BTBD9: variants seen among roughly 807,000 people sequenced by gnomAD.
The protein encoded by BTBD9 is BTB domain containing 9.
BTBD9 carries 49 observed loss-of-function variants against 64.3 expected under a neutral mutation model. The observed-to-expected ratio is 0.76, with a 90% CI of 0.61 to 0.97. The LOEUF is 0.97. Ranked by LOEUF, BTBD9 falls within the 50% of genes least tolerant of loss-of-function variation. BTBD9 has a pLI of 0.00. For missense variants in BTBD9, 598 were observed against 762.1 expected, an observed-to-expected ratio of 0.78 and a Z score of 2.53; for synonymous variants, 260 against 274.7, an observed-to-expected ratio of 0.95 and a Z score of 0.53.
At chr6:38,216,758 C>G (rs11967572) in intron 9 of BTBD9, among the ~76,000 whole-genome samples, 3,128 of 152,266 alleles carry the variant, frequency 0.021, 106 homozygotes, top group African/African-American at 0.069. Flanking sequence ...TGGGCAACCC[C>G]AGTGATGCTC....
chr6:38,565,124 C>T (rs1275657109), intron 6 of BTBD9, among the ~76,000 whole-genome samples: 1 of 152,022 alleles, frequency 6.6e-6, no homozygotes, highest in Non-Finnish European at 1.5e-5. Context: ...TAAAGTTTGA[C>T]TGGTTTTTCT....
chr6:38,475,156 A>G (rs1770821945), intron 6 of BTBD9, among the ~76,000 whole-genome samples: 1 of 152,238 alleles, frequency 6.6e-6, no homozygotes. Flanking sequence ...AATTTTAAAA[A>G]GAATACATAC....
At chr6:38,243,337 C>CA (rs1764073346) in intron 9 of BTBD9, among the ~76,000 whole-genome samples, 1 of 152,038 alleles carries the variant, frequency 6.6e-6, no homozygotes, top group South Asian at 2.1e-4. Flanking sequence ...GAAGATGACC[C>CA]AGGTAAGGAT....
intron 10 of BTBD9, chr6:38,179,877 T>C: frequency 2.2e-6 from 1 of 450,924 alleles, no homozygotes. Context: ...CCTTGAGGGG[T>C]TGGGAGGCAG....
intron 8 of BTBD9, among the ~76,000 whole-genome samples, chr6:38,265,918 ACAC>A (rs1413694532): frequency 2.0e-5 from 3 of 152,220 alleles, no homozygotes; most frequent in Non-Finnish European, 4.4e-5. Context: ...ATAAAAGCTA[ACAC>A]CACATTACCA....
chr6:38,407,036 T>C (rs6903767), intron 6 of BTBD9, among the ~76,000 whole-genome samples: 57,542 of 152,068 alleles, frequency 0.38, 13,264 homozygotes, highest in East Asian at 0.87. Flanking sequence ...GGCTGTCTTT[T>C]GTAAGGAGAA....
chr6:38,457,836 T>G (rs748540163), intron 6 of BTBD9, among the ~76,000 whole-genome samples: 31 of 152,210 alleles, frequency 2.0e-4, no homozygotes, highest in Admixed American at 5.2e-4. Context: ...CTCCCCCAAC[T>G]GGTCTGTTAG....
chr6:38,430,437 C>T (rs1582417351), intron 6 of BTBD9, among the ~76,000 whole-genome samples: 1 of 151,490 alleles, frequency 6.6e-6, no homozygotes, highest in Non-Finnish European at 1.5e-5. Flanking sequence ...GCTGCCCAGG[C>T]TCATCTTGAA....
intron 6 of BTBD9, among the ~76,000 whole-genome samples, chr6:38,573,094 T>A (rs1303796724): frequency 1.3e-5 from 2 of 152,048 alleles, no homozygotes; most frequent in Non-Finnish European, 2.9e-5. Flanking sequence ...AGGCTTTTCA[T>A]AAATAAGAAA....
chr6:38,507,828 ATTTTTTT>A (rs34808509), intron 6 of BTBD9, among the ~76,000 whole-genome samples: 15 of 125,428 alleles, frequency 1.2e-4, no homozygotes, highest in Non-Finnish European at 2.5e-4. Flanking sequence ...TGTCTCCCAA[ATTTTTTT>A]TTTTTTTTTT....
At chr6:38,563,731 C>T (rs138431098) in intron 6 of BTBD9, among the ~76,000 whole-genome samples, 2 of 152,100 alleles carry the variant, frequency 1.3e-5, no homozygotes, top group African/African-American at 4.8e-5. Flanking sequence ...GATTTCCCTA[C>T]CTGTCTCTGC....
rs1023853204 is a variant in BTBD9 at position 38,388,609 on chromosome 6, A to G, written c.1155-43516T>C. ...GAGTTCATATTGACTGAAAGAAAAT[A>G]TATCAACTGAATTTAGTGTGTTTAT... is the stretch of plus-strand genomic sequence containing the variant. On this transcript the variant is annotated intron_variant, in intron 6 of 10. Coordinates refer to ENST00000481247, the MANE Select transcript of BTBD9 (RefSeq NM_001099272.2). 9.2e-5 allele frequency among the ~76,000 whole-genome samples: 14 copies of G among 152,354 alleles called. No individual in the cohort carries two copies. The East Asian group carries it at 2.5e-3, about 27-fold the overall frequency.
chr6:38,454,864 T>G (rs1238023669), intron 6 of BTBD9, among the ~76,000 whole-genome samples: 1 of 150,892 alleles, frequency 6.6e-6, no homozygotes. Context: ...GAAACCTCAC[T>G]CATTTAACAA....
intron 7 of BTBD9, among the ~76,000 whole-genome samples, chr6:38,322,755 T>A (rs1763285475): frequency 6.6e-6 from 1 of 152,204 alleles, no homozygotes; most frequent in South Asian, 2.1e-4. Context: ...GTCACAAATG[T>A]AAAGCACTGA....
chr6:38,302,481 G>T (rs1426283237), intron 7 of BTBD9, among the ~76,000 whole-genome samples: 1 of 59,408 alleles, frequency 1.7e-5, no homozygotes, highest in East Asian at 7.2e-4. Flanking sequence ...TCCATTGTGT[G>T]TATGTATATA....
intron 6 of BTBD9, among the ~76,000 whole-genome samples, chr6:38,389,452 C>T (rs557797433): frequency 1.3e-5 from 2 of 152,326 alleles, no homozygotes; most frequent in South Asian, 2.1e-4. Flanking sequence ...CCAGTAAACA[C>T]GTATGAAGCA....
At chr6:38,581,760 G>A (rs894748470) in intron 4 of BTBD9, among the ~76,000 whole-genome samples, 11 of 152,070 alleles carry the variant, frequency 7.2e-5, no homozygotes, top group African/African-American at 2.7e-4. Context: ...GGGGTGGGGG[G>A]GAGACCATAT....
chr6:38,616,259 G>C (rs1777785396), intron 1 of BTBD9, among the ~76,000 whole-genome samples: 1 of 152,178 alleles, frequency 6.6e-6, no homozygotes, highest in Non-Finnish European at 1.5e-5. Context: ...CCTCAGATGA[G>C]ATTATAACCC....
intron 7 of BTBD9, among the ~76,000 whole-genome samples, chr6:38,325,922 T>A (rs1373784663): frequency 6.6e-6 from 1 of 152,184 alleles, no homozygotes; most frequent in Non-Finnish European, 1.5e-5. Context: ...ACGCTGGGAA[T>A]ACAGCAGTGA....
Sources: allele counts gnomAD v4.1 joint callset (sites outside exome capture counted in the v4.1 genomes callset), GRCh38; gene constraint gnomAD v4.1.1; transcripts MANE v1.5; gene names NCBI Gene and HGNC (gene_info 2026-07-23, HGNC 2026-07-21).